Variants in DLG2 observed in about 807,000 individuals in gnomAD.
The protein encoded by DLG2 is discs large MAGUK scaffold protein 2.
Under a neutral mutation model 132.5 loss-of-function variants are expected in DLG2, and 45 were observed. The observed-to-expected ratio is 0.34, with a 90% CI of 0.27 to 0.44. The LOEUF (loss-of-function observed/expected upper bound fraction) is 0.44. Among genes scored for constraint, DLG2 ranks in the 20% least tolerant of loss-of-function variants. The pLI, the probability that DLG2 is intolerant of heterozygous loss-of-function variation, is 1.00. For synonymous variants in DLG2, 424 were observed against 419.6 expected (o/e 1.01, Z -0.13); for missense variants, 1,045 against 1,196.9 (o/e 0.87, Z 1.87).
chr11:83,820,754 T>C (rs565464957), intron 17 of DLG2, among the ~76,000 whole-genome samples: 2 of 152,240 alleles, frequency 1.3e-5, no homozygotes, highest in Middle Eastern at 3.4e-3. Flanking sequence ...GCACAGCAAA[T>C]ATGTAGTATA....
intron 3 of DLG2, among the ~76,000 whole-genome samples, chr11:85,547,036 TCCCTCCATTATGATGCCAGC>T: frequency 6.6e-6 from 1 of 152,132 alleles, no homozygotes; most frequent in Non-Finnish European, 1.5e-5. Flanking sequence ...GTGAATTTAA[TCCCTCCATTATGATGCCAGC>T]TGGTTATTTT....
At chr11:84,368,142 A>G (rs747378025) in intron 7 of DLG2, among the ~76,000 whole-genome samples, 1 of 152,130 alleles carries the variant, frequency 6.6e-6, no homozygotes, top group Admixed American at 6.6e-5. Context: ...CTAAACTATA[A>G]AAGTGCCTGA....
chr11:83,630,625 C>T (rs1245660994), intron 19 of DLG2, among the ~76,000 whole-genome samples: 1 of 152,138 alleles, frequency 6.6e-6, no homozygotes, highest in Non-Finnish European at 1.5e-5. Context: ...CTGACAGAAG[C>T]AGATTGGGAA....
At chr11:85,434,956 C>A (rs1019858658) in intron 3 of DLG2, among the ~76,000 whole-genome samples, 1 of 152,134 alleles carries the variant, frequency 6.6e-6, no homozygotes, top group Non-Finnish European at 1.5e-5. Context: ...AGCAGCAAAT[C>A]AAAAAGCTTA....
At chr11:85,076,993 G>A (rs1434555349) in intron 6 of DLG2, among the ~76,000 whole-genome samples, 1 of 151,860 alleles carries the variant, frequency 6.6e-6, no homozygotes, top group Non-Finnish European at 1.5e-5. Flanking sequence ...TAATTACCAG[G>A]CACATAAAGA....
chr11:84,280,266 G>A (rs1242310443), intron 7 of DLG2, among the ~76,000 whole-genome samples: 3 of 150,842 alleles, frequency 2.0e-5, no homozygotes, highest in Non-Finnish European at 3.0e-5. Flanking sequence ...TGCAATTTAC[G>A]ACAAATTTTT....
At chr11:84,500,349 GAA>G (rs147115246) in intron 7 of DLG2, among the ~76,000 whole-genome samples, 93 of 114,488 alleles carry the variant, frequency 8.1e-4, no homozygotes, top group Middle Eastern at 4.9e-3. Context: ...TTGGTTGCAA[GAA>G]AAAAAAAAAA....
intron 18 of DLG2, among the ~76,000 whole-genome samples, chr11:83,699,444 C>T (rs949294988): frequency 9.9e-5 from 15 of 151,758 alleles, no homozygotes; most frequent in African/African-American, 2.2e-4. Context: ...CGCCTGTAAT[C>T]GCAGCACTTT....
chr11:84,713,499 C>T (rs891148683), intron 6 of DLG2, among the ~76,000 whole-genome samples: 1 of 152,082 alleles, frequency 6.6e-6, no homozygotes, highest in Non-Finnish European at 1.5e-5. Flanking sequence ...CAATTTTGAA[C>T]ACTTGGATTT....
At chr11:83,750,656 T>G (rs1328439336) in intron 18 of DLG2, among the ~76,000 whole-genome samples, 1 of 152,146 alleles carries the variant, frequency 6.6e-6, no homozygotes, top group East Asian at 1.9e-4. Flanking sequence ...TGCTTGCCTA[T>G]GAAAACTGCT....
At chr11:85,043,292 G>C (rs1313602140) in intron 6 of DLG2, among the ~76,000 whole-genome samples, 1 of 151,740 alleles carries the variant, frequency 6.6e-6, no homozygotes, top group Non-Finnish European at 1.5e-5. Context: ...ATTTGTACCA[G>C]AATCTTAATG....
At chr11:84,663,226 A>G (rs1246343554) in intron 6 of DLG2, among the ~76,000 whole-genome samples, 1 of 136,890 alleles carries the variant, frequency 7.3e-6, no homozygotes, top group African/African-American at 2.8e-5. Context: ...ATGCCTTTAC[A>G]GGTTATATAT....
At chr11:84,426,308 A>C (rs1043300443) in intron 7 of DLG2, among the ~76,000 whole-genome samples, 4 of 152,066 alleles carry the variant, frequency 2.6e-5, no homozygotes, top group African/African-American at 9.7e-5. Flanking sequence ...GGACCAAAAA[A>C]ATTCCTAAAC....
intron 5 of DLG2, among the ~76,000 whole-genome samples, chr11:85,139,355 G>A (rs1267230169): frequency 6.6e-6 from 1 of 152,002 alleles, no homozygotes; most frequent in Non-Finnish European, 1.5e-5. Flanking sequence ...AAAGTATATG[G>A]CTAGAATCAG....
At chr11:85,430,168 A>G (rs962441680) in intron 3 of DLG2, among the ~76,000 whole-genome samples, 1 of 140,590 alleles carries the variant, frequency 7.1e-6, no homozygotes, top group East Asian at 2.4e-4. Context: ...ATGAGAGCAC[A>G]TGGACACAGG....
chr11:84,822,731 A>G (rs1228306592), intron 6 of DLG2, among the ~76,000 whole-genome samples: 1 of 151,936 alleles, frequency 6.6e-6, no homozygotes, highest in African/African-American at 2.4e-5. Flanking sequence ...ACCTTGACAC[A>G]TGTCTACACT....
At chr11:83,853,565 TC>T in intron 16 of DLG2, among the ~76,000 whole-genome samples, 1 of 152,264 alleles carries the variant, frequency 6.6e-6, no homozygotes, top group Middle Eastern at 3.4e-3. Flanking sequence ...AAAGTTATAA[TC>T]TTGTACAATA....
At chr11:85,268,597 AG>A (rs1441546747) in intron 4 of DLG2, among the ~76,000 whole-genome samples, 1 of 152,226 alleles carries the variant, frequency 6.6e-6, no homozygotes, top group Admixed American at 6.5e-5. Flanking sequence ...TCAAATTTTC[AG>A]GGTTCACATG....
chr11:84,888,437 C>A (rs1490268447), intron 6 of DLG2, among the ~76,000 whole-genome samples: 8 of 152,076 alleles, frequency 5.3e-5, no homozygotes, highest in African/African-American at 1.9e-4. Context: ...CTTAAAACAG[C>A]ACCATTCCTA....
Sources: gnomAD v4.1 joint callset for allele counts (sites outside exome capture counted in the v4.1 genomes callset) on GRCh38, gnomAD v4.1.1 for gene constraint, MANE v1.5 for transcripts, NCBI Gene and HGNC (gene_info 2026-07-23, HGNC 2026-07-21) for gene names.